Variants in GRTP1 observed in about 807,000 individuals in gnomAD.
GRTP1 encodes the protein growth hormone regulated TBC protein 1, also known as growth hormone-regulated TBC protein 1.
GRTP1 carries 56 observed loss-of-function variants against 38.1 expected under a neutral mutation model. The observed-to-expected ratio is 1.47, with a 90% CI of 1.19 to 1.84. GRTP1 has a LOEUF of 1.84. GRTP1 is among the 40% of genes most tolerant of loss of function. The pLI is 0.00. For missense variants in GRTP1, 506 were observed against 453.9 expected, an observed-to-expected ratio of 1.11 and a Z score of -1.04; for synonymous variants, 217 against 189.5, an observed-to-expected ratio of 1.14 and a Z score of -1.19.
At chr13:113,363,078 CA>C (rs2043527150) in intron 2 of GRTP1, among the ~76,000 whole-genome samples, 1 of 152,228 alleles carries the variant, frequency 6.6e-6, no homozygotes, top group South Asian at 2.1e-4. Context: ...GCCCTCCGCA[CA>C]GGGAAGCCTG....
intron 2 of GRTP1, among the ~76,000 whole-genome samples, chr13:113,360,867 T>C (rs1193291568): frequency 1.3e-5 from 2 of 152,128 alleles, no homozygotes; most frequent in African/African-American, 4.8e-5. Context: ...TCCCAGCATT[T>C]TGGGAGGCTG....
intron 2 of GRTP1, among the ~76,000 whole-genome samples, chr13:113,356,648 T>C (rs2043392810): frequency 1.3e-5 from 2 of 152,220 alleles, no homozygotes; most frequent in Admixed American, 1.3e-4. Flanking sequence ...ATTTGTAAAA[T>C]TCTATAAGCT....
Position 113,347,318 on chromosome 13 carries a change from G to A in GRTP1, c.466-2359C>T, listed in dbSNP as rs1170608200. Among the ~76,000 whole-genome samples the A allele has an allele frequency of 9.4e-5, 8 of 84,708 alleles. 1 individual carries two copies. Among genetic ancestry groups the A allele is most frequent in the African/African-American group, 4.1e-4 (7 of 17,040 alleles). 55.6% of individuals were successfully genotyped at this position (84,708 alleles called of 152,430 possible). ...TGAGCGGATCTGGGAGGACCTCTGT[G>A]GCAGAGAGCAGACCCGGGAGGACCT... On this transcript the variant is annotated intron_variant, in intron 4 of 7. Coordinates refer to ENST00000375431, the MANE Select transcript of GRTP1 (RefSeq NM_024719.4).
intron 5 of GRTP1, among the ~76,000 whole-genome samples, chr13:113,338,076 C>T (rs967980330): frequency 7.2e-5 from 11 of 152,226 alleles, no homozygotes; most frequent in Admixed American, 2.6e-4. Context: ...TCATGACTGA[C>T]GCAGTCTTCC....
At chr13:113,330,101 G>A (rs2042837125) in intron 5 of GRTP1, among the ~76,000 whole-genome samples, 1 of 150,208 alleles carries the variant, frequency 6.7e-6, no homozygotes, top group African/African-American at 2.5e-5. Context: ...ACCCGGGTGT[G>A]TGCATGGAAA....
intron 5 of GRTP1, among the ~76,000 whole-genome samples, chr13:113,338,253 G>T (rs115781577): frequency 0.038 from 5,741 of 152,240 alleles, 363 homozygotes; most frequent in African/African-American, 0.13. Context: ...ATCTTCATGG[G>T]CTCTACAAGA....
intron 5 of GRTP1, among the ~76,000 whole-genome samples, chr13:113,334,886 G>A (rs903069831): frequency 2.0e-5 from 3 of 152,122 alleles, no homozygotes; most frequent in African/African-American, 7.2e-5. Flanking sequence ...GCAGTGGCGC[G>A]ATCTCGGCTC....
At chr13:113,332,470 G>A (rs895885343) in intron 5 of GRTP1, among the ~76,000 whole-genome samples, 1 of 151,406 alleles carries the variant, frequency 6.6e-6, no homozygotes, top group Non-Finnish European at 1.5e-5. Context: ...CCATCCCCTG[G>A]ACTGTGTGAG....
In GRTP1 at chr13:113,348,517, G is replaced by T. The variant is rs993647535; in HGVS notation, c.465+2332C>A. ...CCCGCCCCAAAATTCATCTGTTGAA[G>T]TCCTAACCCCTAGTACCTCAGATTG... On this transcript the variant is annotated intron_variant, in intron 4 of 7. Coordinates refer to ENST00000375431, the MANE Select transcript of GRTP1 (RefSeq NM_024719.4). The surrounding 1 kb of genome is among the most constrained non-coding windows in gnomAD (Gnocchi z 4.8). Among the ~76,000 whole-genome samples, 1 of 152,152 alleles carries T rather than the reference G, an allele frequency of 6.6e-6. No homozygotes were observed. The highest frequency in any genetic ancestry group is 1.5e-5 in the Non-Finnish European group (1 of 68,028).
chr13:113,360,474 G>A (rs1310260292), intron 2 of GRTP1, among the ~76,000 whole-genome samples: 1 of 152,214 alleles, frequency 6.6e-6, no homozygotes, highest in Admixed American at 6.5e-5. Context: ...ATCACTGTCA[G>A]CCTGGAATAC....
rs754127090 is a variant in GRTP1, at chr13:113,363,780, C to A, written c.163G>T (p.Val55Phe). The change falls in exon 2 of 8, where the codon GTC becomes TTC. Residue 55 changes from valine (V) to phenylalanine (F), a missense_variant. Physicochemically the swap from Val to Phe is conservative, Grantham distance 50 (BLOSUM62 -1). Coordinates refer to ENST00000375431, the MANE Select transcript of GRTP1 (RefSeq NM_024719.4). The part of the protein sequence containing the change: ...KWSRLLQGGG[V>F]PRSRTVKRYV... ...GACCCACCTGTCCGGCTCCTGGGGACGCCCCCGCCCTGCAGCAGCCGGGAC... is the reference window on the plus strand; with the variant it reads ...GACCCACCTGTCCGGCTCCTGGGGAAGCCCCCGCCCTGCAGCAGCCGGGAC... The A allele has an allele frequency of 2.5e-6, 4 of 1,609,958 alleles. No homozygotes were observed. Among genetic ancestry groups the A allele is most frequent in the African/African-American group, 1.3e-5 (1 of 74,862 alleles).
rs2043295312 is a variant in GRTP1 at position 113,352,337 on chromosome 13, T to TATATATATTTTATA, written c.341-1365_341-1364insTATAAAATATATAT. ...TTTTATATATATTTTTATATATATT[T>TATATATATTTTATA]TATATATATATTTATATATATTTTA... On this transcript the variant is annotated intron_variant, in intron 3 of 7. Coordinates refer to ENST00000375431, the MANE Select transcript of GRTP1 (RefSeq NM_024719.4). Among the ~76,000 whole-genome samples, 303 of 51,458 alleles carry TATATATATTTTATA rather than the reference T, an allele frequency of 5.9e-3. 1 individual carries two copies. The highest frequency in any genetic ancestry group is 0.012 in the African/African-American group (167 of 13,740). 33.8% of individuals were successfully genotyped at this position (51,458 alleles called of 152,430 possible).
intron 6 of GRTP1, 28 bp from the exon 7 acceptor site, chr13:113,325,874 C>G (rs1322472169): frequency 6.2e-7 from 1 of 1,613,878 alleles, no homozygotes; most frequent in Non-Finnish European, 8.5e-7. Context: ...CCCGGTGTCA[C>G]TCCCTGGCGG....
intron 2 of GRTP1, chr13:113,360,054 G>C (rs769876764): frequency 5.9e-5 from 9 of 152,092 alleles, no homozygotes; most frequent in Non-Finnish European, 1.2e-4. Context: ...CCAGTTTTTC[G>C]GTGTATCTTT....
intron 4 of GRTP1, among the ~76,000 whole-genome samples, chr13:113,350,435 G>A (rs2139493600): frequency 1.5e-5 from 2 of 132,134 alleles, no homozygotes; most frequent in South Asian, 4.9e-4. Flanking sequence ...ACATCCCACA[G>A]CGCACGCACC....
rs1299726429 is a variant in GRTP1 at position 113,359,817 on chromosome 13, A to T, written c.181+3945T>A. 3 of 152,316 alleles carry T rather than the reference A, an allele frequency of 2.0e-5. No individual in the cohort carries two copies. The East Asian group carries it at 5.8e-4, about 29-fold the overall frequency. The allele number at this position is 152,316 out of a possible 1,614,324, so 9.4% of individuals were successfully genotyped here. ...GAACAAAGAATTCTGCGACTTTTTG[A>T]TAAGTTTGTTATCTGGATTTACACT... On this transcript the variant is annotated intron_variant, in intron 2 of 7. Transcript: ENST00000375431.
chr13:113,345,628 C>G (rs2043091290), intron 4 of GRTP1, among the ~76,000 whole-genome samples: 2 of 152,232 alleles, frequency 1.3e-5, no homozygotes, highest in South Asian at 4.1e-4. Context: ...GGAAAAGAAT[C>G]CAGCTTCTGC....
At position 113,342,486 on chromosome 13, in the gene GRTP1, C is replaced by T. The variant is rs1383330148; in HGVS notation, c.562+2377G>A. On this transcript the variant is annotated intron_variant, in intron 5 of 7. Coordinates refer to ENST00000375431, the MANE Select transcript of GRTP1 (RefSeq NM_024719.4). This position sits in a 1 kb window ranked among gnomAD's most constrained non-coding sequence, Gnocchi z 4.5. ...TGCCACTGCACTCCAGCCTGGGCGA[C>T]AGAGCGAGACTCAGTCTCAAAAAAA... 6.6e-6 allele frequency among the ~76,000 whole-genome samples: 1 copy of T among 151,402 alleles called. No individual in the cohort carries two copies. The highest frequency in any genetic ancestry group is 2.4e-5 in the African/African-American group (1 of 41,106).
At chr13:113,351,712 C>G (rs901136189) in intron 3 of GRTP1, 3 of 152,406 alleles carry the variant, frequency 2.0e-5, no homozygotes, top group African/African-American at 7.2e-5. Flanking sequence ...CTGACCTCCG[C>G]GTTAACCCTG....
Sources: gnomAD v4.1 joint callset for allele counts (sites outside exome capture counted in the v4.1 genomes callset) on GRCh38, gnomAD v4.1.1 for gene constraint, Gnocchi (gnomAD v3.1) non-coding constraint, MANE v1.5 for transcripts, NCBI Gene and HGNC (gene_info 2026-07-23, HGNC 2026-07-21) for gene names.